The following LAMA2 variants were observed in gnomAD, a reference collection of about 807,000 sequenced individuals.
LAMA2 encodes the protein laminin subunit alpha-2.
LAMA2 carries 269 observed loss-of-function variants against 364.8 expected under a neutral mutation model. The ratio of observed to expected loss-of-function variants is 0.74; its 90% CI spans 0.67 to 0.82. The LOEUF is 0.82. LAMA2 is among the 40% of genes least tolerant of loss of function. The pLI is 0.00. For missense variants in LAMA2, 3,807 were observed against 3,873.2 expected, an observed-to-expected ratio of 0.98 and a Z score of 0.45; for synonymous variants, 1,379 against 1,370.6, an observed-to-expected ratio of 1.01 and a Z score of -0.14.
intron 1 of LAMA2, among the ~76,000 whole-genome samples, chr6:128,963,495 A>G (rs911771619): frequency 6.6e-6 from 1 of 151,346 alleles, no homozygotes; most frequent in African/African-American, 2.5e-5. Flanking sequence ...TAGGCCCTAA[A>G]TTATGTGAAA....
intron 1 of LAMA2, among the ~76,000 whole-genome samples, chr6:129,042,603 T>C (rs1184299728): frequency 3.3e-5 from 5 of 152,178 alleles, no homozygotes; most frequent in East Asian, 1.9e-4. Flanking sequence ...ACCATTATAA[T>C]ACAAACTGCT....
chr6:129,261,334 C>T (rs1261481027), intron 15 of LAMA2, among the ~76,000 whole-genome samples: 1 of 151,952 alleles, frequency 6.6e-6, no homozygotes, highest in Non-Finnish European at 1.5e-5. Flanking sequence ...TAGAAAACTG[C>T]CTACAGGTCT....
At chr6:128,911,787 C>G (rs923211185) in intron 1 of LAMA2, among the ~76,000 whole-genome samples, 3 of 152,316 alleles carry the variant, frequency 2.0e-5, no homozygotes, top group East Asian at 3.9e-4. Flanking sequence ...AACATTTCTC[C>G]TTTCCCAGAA....
intron 12 of LAMA2, among the ~76,000 whole-genome samples, chr6:129,228,937 C>G (rs1468172436): frequency 1.3e-5 from 2 of 152,134 alleles, no homozygotes; most frequent in Non-Finnish European, 2.9e-5. Flanking sequence ...TTGACTGATG[C>G]TCCTCTTATG....
chr6:129,063,609 T>G (rs1018847553), intron 3 of LAMA2, among the ~76,000 whole-genome samples: 3 of 152,136 alleles, frequency 2.0e-5, no homozygotes, highest in African/African-American at 2.4e-5. Flanking sequence ...AGCTCATGTC[T>G]TAACTAGGAG....
In LAMA2 at chr6:129,411,094, C is replaced by T. The variant is rs964125435; in HGVS notation, c.5865+7135C>T. 5.9e-5 allele frequency among the ~76,000 whole-genome samples: 9 copies of T among 152,322 alleles called. No homozygotes were observed. The East Asian group carries it at 1.2e-3, about 20-fold the overall frequency. On this transcript the variant is annotated intron_variant, in intron 40 of 64. Coordinates refer to ENST00000421865, the MANE Select transcript of LAMA2 (RefSeq NM_000426.4). Reference sequence around the variant, plus strand: ...AATCTCTTTTACTGTCATCCAGAAACACCCTCACAGACACACCCGGAAATA... The same window carrying T: ...AATCTCTTTTACTGTCATCCAGAAATACCCTCACAGACACACCCGGAAATA...
Position 129,403,522 on chromosome 6 carries a change from G to A in LAMA2, c.5727-299G>A, listed in dbSNP as rs4897315. Among the ~76,000 whole-genome samples the A allele has an allele frequency of 0.5, 76,427 of 152,060 alleles. 19,711 individuals carry two copies. The highest frequency in any genetic ancestry group is 0.62 in the African/African-American group (25,624 of 41,472). On this transcript the variant is annotated intron_variant, in intron 39 of 64. Transcript: ENST00000421865. Reference sequence around the variant, plus strand: ...ATCTCACAGCATGCTTCACAAATAAGGTGAAGAATTGTCTCATATCACACA... The same window carrying A: ...ATCTCACAGCATGCTTCACAAATAAAGTGAAGAATTGTCTCATATCACACA...
intron 1 of LAMA2, among the ~76,000 whole-genome samples, chr6:128,955,488 G>A (rs749301434): frequency 1.2e-4 from 18 of 151,734 alleles, no homozygotes; most frequent in Non-Finnish European, 2.2e-4. Context: ...AGATTCCCTC[G>A]TTGAAACTCA....
intron 5 of LAMA2, 28 bp downstream of exon 5, chr6:129,144,108 C>T (rs140506019): frequency 6.4e-7 from 1 of 1,551,954 alleles, no homozygotes; most frequent in African/African-American, 1.4e-5. Flanking sequence ...ATATTAGAGC[C>T]TACAAATGAT....
At chr6:129,196,501 T>C (rs927130784) in intron 12 of LAMA2, among the ~76,000 whole-genome samples, 2 of 152,060 alleles carry the variant, frequency 1.3e-5, no homozygotes, top group Admixed American at 6.6e-5. Flanking sequence ...TTTGTGGGAG[T>C]TGAAAGATGA....
chr6:129,323,281 C>T (rs141305697), intron 28 of LAMA2, among the ~76,000 whole-genome samples: 2 of 152,284 alleles, frequency 1.3e-5, no homozygotes, highest in East Asian at 1.9e-4. Context: ...CAAAGCAGTT[C>T]CTCTACAATA....
At chr6:128,887,967 T>C (rs973928879) in intron 1 of LAMA2, among the ~76,000 whole-genome samples, 3 of 152,166 alleles carry the variant, frequency 2.0e-5, no homozygotes, top group Non-Finnish European at 4.4e-5. Flanking sequence ...CTAGAAACCA[T>C]GTGAAAAAGA....
intron 10 of LAMA2, among the ~76,000 whole-genome samples, chr6:129,182,493 A>G (rs1780990551): frequency 6.6e-6 from 1 of 151,866 alleles, no homozygotes; most frequent in African/African-American, 2.4e-5. Flanking sequence ...AATAGCAAAA[A>G]TAAATTGTAG....
At chr6:128,941,674 A>G (rs1409231873) in intron 1 of LAMA2, among the ~76,000 whole-genome samples, 2 of 152,230 alleles carry the variant, frequency 1.3e-5, no homozygotes, top group Non-Finnish European at 2.9e-5. Flanking sequence ...TCAGAACTAA[A>G]AAATAAAAAT....
Position 129,280,140 on chromosome 6 carries a change from T to G in LAMA2, c.2530T>G (p.Cys844Gly). Reference sequence around the variant, plus strand: ...CCCTGTCGGGTACACAGGACCACGCTGTGAGAGGTAAGAGTATACTACACT... The same window carrying G: ...CCCTGTCGGGTACACAGGACCACGCGGTGAGAGGTAAGAGTATACTACACT... ...GCPVGYTGPRCERCAEGYFGQ... is the reference protein window; with the variant it reads ...GCPVGYTGPRGERCAEGYFGQ... The change falls in exon 18 of 65, where the codon TGT (cysteine) becomes GGT (glycine). Residue 844 changes from cysteine (C) to glycine (G), a missense_variant. This residue lies in a region of LAMA2 where 3,333 missense variants were observed against 3,345.7 expected (regional missense o/e 1.00). Coordinates refer to ENST00000421865, the MANE Select transcript of LAMA2 (RefSeq NM_000426.4). The G allele has an allele frequency of 6.2e-7, 1 of 1,603,622 alleles. No homozygotes were observed. The highest frequency in any genetic ancestry group is 8.5e-7 in the Non-Finnish European group (1 of 1,170,618).
chr6:129,257,774 G>A (rs970753944), intron 14 of LAMA2, among the ~76,000 whole-genome samples: 2 of 152,000 alleles, frequency 1.3e-5, no homozygotes, highest in African/African-American at 4.8e-5. Flanking sequence ...GCGAGTTCTG[G>A]TCTCTGGCCT....
chr6:129,099,846 A>T (rs889758541), intron 4 of LAMA2, among the ~76,000 whole-genome samples: 5 of 152,210 alleles, frequency 3.3e-5, no homozygotes, highest in Admixed American at 2.6e-4. Context: ...CTGCCAAATG[A>T]CAAGGACTCA....
intron 60 of LAMA2, among the ~76,000 whole-genome samples, chr6:129,503,793 A>G (rs1785834430): frequency 6.6e-6 from 1 of 152,220 alleles, no homozygotes; most frequent in South Asian, 2.1e-4. Flanking sequence ...AAAACCAGGA[A>G]TCCAGGAATC....
chr6:129,081,140 A>G (rs1005068456), intron 3 of LAMA2, among the ~76,000 whole-genome samples: 4 of 152,088 alleles, frequency 2.6e-5, no homozygotes, highest in African/African-American at 9.7e-5. Flanking sequence ...AACTATAGCA[A>G]GGACAGGAAA....
Sources: allele counts gnomAD v4.1 joint callset (sites outside exome capture counted in the v4.1 genomes callset), GRCh38; gene constraint gnomAD v4.1.1; regional missense constraint gnomAD v4.1.1; transcripts MANE v1.5; gene names NCBI Gene and HGNC (gene_info 2026-07-23, HGNC 2026-07-21).